Variants in PPP1R14C observed in about 807,000 individuals in gnomAD.
PPP1R14C encodes the protein protein phosphatase 1 regulatory subunit 14C.
Under a neutral mutation model 20.4 loss-of-function variants are expected in PPP1R14C, and 16 were observed. The ratio of observed to expected loss-of-function variants is 0.78; its 90% confidence interval spans 0.53 to 1.19. PPP1R14C has a LOEUF of 1.19. PPP1R14C is among the 50% of genes most tolerant of loss of function. PPP1R14C has a pLI of 0.00. For synonymous variants in PPP1R14C, 91 were observed against 91.0 expected, an observed-to-expected ratio of 1.00 and a Z score of 0.00; for missense variants, 211 against 220.1, an observed-to-expected ratio of 0.96 and a Z score of 0.26.
chr6:150,151,931 TAAAAA>T (rs1777252578), intron 1 of PPP1R14C, among the ~76,000 whole-genome samples: 4 of 151,670 alleles, frequency 2.6e-5, no homozygotes, highest in Non-Finnish European at 5.9e-5. Flanking sequence ...CCATCCCGGC[TAAAAA>T]GGTGAAACCC....
intron 1 of PPP1R14C, among the ~76,000 whole-genome samples, chr6:150,170,431 T>A (rs1053300281): frequency 2.2e-4 from 34 of 152,208 alleles, no homozygotes; most frequent in African/African-American, 7.7e-4. Context: ...CACGCCATTC[T>A]TCTGCCTCAG....
At chr6:150,212,367 G>C (rs1428145374) in intron 1 of PPP1R14C, among the ~76,000 whole-genome samples, 1 of 152,166 alleles carries the variant, frequency 6.6e-6, no homozygotes, top group African/African-American at 2.4e-5. Flanking sequence ...GGGAAAATGG[G>C]TCAGTGCAAT....
intron 3 of PPP1R14C, among the ~76,000 whole-genome samples, chr6:150,246,074 C>T (rs1341407556): frequency 6.6e-6 from 1 of 152,040 alleles, no homozygotes; most frequent in Non-Finnish European, 1.5e-5. Flanking sequence ...AATTTATGTA[C>T]ATCATGGTTA....
chr6:150,184,257 T>C (rs948516865), intron 1 of PPP1R14C, among the ~76,000 whole-genome samples: 10 of 152,146 alleles, frequency 6.6e-5, no homozygotes, highest in South Asian at 2.1e-4. Context: ...AAGGCACAAA[T>C]GGAGCATGGA....
chr6:150,200,839 T>C (rs970530705), intron 1 of PPP1R14C, among the ~76,000 whole-genome samples: 1 of 152,216 alleles, frequency 6.6e-6, no homozygotes, highest in African/African-American at 2.4e-5. Context: ...GTGTGAAAGC[T>C]GTCGTCATCC....
intron 3 of PPP1R14C, among the ~76,000 whole-genome samples, chr6:150,241,867 A>G (rs1306476607): frequency 6.6e-6 from 1 of 152,184 alleles, no homozygotes; most frequent in Admixed American, 6.5e-5. Flanking sequence ...AGCCTGGGTG[A>G]CAGAGTGAGA....
intron 3 of PPP1R14C, among the ~76,000 whole-genome samples, chr6:150,241,513 G>A (rs1778430540): frequency 6.6e-6 from 1 of 152,186 alleles, no homozygotes; most frequent in African/African-American, 2.4e-5. Context: ...CCTAGAATTG[G>A]CATCTGAAGC....
intron 3 of PPP1R14C, among the ~76,000 whole-genome samples, chr6:150,221,614 G>A (rs1778168040): frequency 6.6e-6 from 1 of 152,122 alleles, no homozygotes; most frequent in Admixed American, 6.5e-5. Context: ...TAGGGTGAGT[G>A]GTGGAAAGAA....
intron 1 of PPP1R14C, 98 bp from the exon 2 acceptor site, chr6:150,214,646 T>A (rs1417442701): frequency 5.0e-6 from 4 of 800,938 alleles, no homozygotes; most frequent in Non-Finnish European, 8.5e-6. Flanking sequence ...CCTTCTCAAT[T>A]GATGATCTAG....
At chr6:150,205,803 AAAAT>A (rs1333789938) in intron 1 of PPP1R14C, among the ~76,000 whole-genome samples, 5 of 151,996 alleles carry the variant, frequency 3.3e-5, no homozygotes, top group Non-Finnish European at 7.4e-5. Flanking sequence ...AAAAAAAAAA[AAAAT>A]AATGGAAATA....
intron 3 of PPP1R14C, among the ~76,000 whole-genome samples, chr6:150,218,894 C>T (rs1778132718): frequency 6.6e-6 from 1 of 152,162 alleles, no homozygotes; most frequent in Non-Finnish European, 1.5e-5. Context: ...TCAAGCTATC[C>T]TCCTGCTTCA....
intron 1 of PPP1R14C, among the ~76,000 whole-genome samples, chr6:150,204,996 C>CTTTTT (rs10683235): frequency 7.0e-6 from 1 of 143,332 alleles, no homozygotes; most frequent in Non-Finnish European, 1.5e-5. Context: ...AACTCAGAGT[C>CTTTTT]TTTTTTTTTT....
chr6:150,168,413 G>A (rs1341192143), intron 1 of PPP1R14C, among the ~76,000 whole-genome samples: 6 of 151,830 alleles, frequency 4.0e-5, no homozygotes, highest in African/African-American at 9.7e-5. Flanking sequence ...GGCGCCTGTA[G>A]TCCCAGCTAC....
rs531470075 is a variant in PPP1R14C at position 150,192,812 on chromosome 6, G to T, written c.307-21932G>T. Among the ~76,000 whole-genome samples the T allele has an allele frequency of 3.3e-5, 5 of 152,246 alleles. No homozygotes were observed. The South Asian group carries it at 8.3e-4, about 25-fold the overall frequency. On this transcript the variant is annotated intron_variant, in intron 1 of 3. Transcript: ENST00000361131. ...TGGACTGGGCTGGTTTTCCACGATG[G>T]TTCCTTCACCTACAGGTCTGGCTTC...
At chr6:150,202,574 C>T (rs961621274) in intron 1 of PPP1R14C, among the ~76,000 whole-genome samples, 4 of 152,224 alleles carry the variant, frequency 2.6e-5, no homozygotes, top group South Asian at 2.1e-4. Context: ...CCGACTTTGC[C>T]GCTCCTTTGC....
At chr6:150,145,591 T>C (rs1397616798) in intron 1 of PPP1R14C, among the ~76,000 whole-genome samples, 1 of 152,256 alleles carries the variant, frequency 6.6e-6, no homozygotes, top group Non-Finnish European at 1.5e-5. Flanking sequence ...CTGATAGTGC[T>C]CTATTTTTAG....
intron 1 of PPP1R14C, among the ~76,000 whole-genome samples, chr6:150,173,209 T>C (rs1157736190): frequency 1.3e-5 from 2 of 152,166 alleles, no homozygotes; most frequent in African/African-American, 4.8e-5. Flanking sequence ...CCCCATTTTT[T>C]CCACGAATGC....
intron 1 of PPP1R14C, among the ~76,000 whole-genome samples, chr6:150,180,869 C>G (rs1777613661): frequency 6.6e-6 from 1 of 152,092 alleles, no homozygotes; most frequent in Non-Finnish European, 1.5e-5. Context: ...GACAGGGGCT[C>G]TAGACAAAAT....
intron 1 of PPP1R14C, among the ~76,000 whole-genome samples, chr6:150,169,539 T>C (rs997905595): frequency 6.6e-6 from 1 of 152,174 alleles, no homozygotes; most frequent in Non-Finnish European, 1.5e-5. Context: ...AGGTTGTCGT[T>C]GTTGTTAGAT....
Sources: gnomAD v4.1 joint callset for allele counts (sites outside exome capture counted in the v4.1 genomes callset) on GRCh38, gnomAD v4.1.1 for gene constraint, MANE v1.5 for transcripts, NCBI Gene and HGNC (gene_info 2026-07-23, HGNC 2026-07-21) for gene names.